GALNTL6: variants seen among roughly 807,000 people sequenced by gnomAD.
The protein encoded by GALNTL6 is polypeptide N-acetylgalactosaminyltransferase-like 6.
Under a neutral mutation model 73.7 loss-of-function variants are expected in GALNTL6, and 46 were observed. The observed-to-expected ratio is 0.62, with a 90% confidence interval of 0.49 to 0.80. GALNTL6 has a LOEUF of 0.80. GALNTL6 is among the 30% of genes least tolerant of loss of function. The probability of loss-of-function intolerance (pLI) is 0.00; values close to 1 mark genes in which losing one functional copy is unlikely to be tolerated. For missense variants in GALNTL6, 604 were observed against 755.0 expected, an observed-to-expected ratio of 0.80 and a Z score of 2.34; for synonymous variants, 259 against 263.7, an observed-to-expected ratio of 0.98 and a Z score of 0.17.
intron 2 of GALNTL6, among the ~76,000 whole-genome samples, chr4:171,873,195 T>G (rs949252620): frequency 3.3e-5 from 5 of 152,202 alleles, no homozygotes; most frequent in African/African-American, 9.7e-5. Context: ...CAAATGATCA[T>G]CTGTTCTTTT....
At chr4:172,370,668 G>A (rs1267221744) in intron 5 of GALNTL6, among the ~76,000 whole-genome samples, 1 of 147,444 alleles carries the variant, frequency 6.8e-6, no homozygotes, top group East Asian at 2.0e-4. Flanking sequence ...GAAAGGCATT[G>A]TCTGACTTCG....
At chr4:171,819,468 A>G (rs538278725) in intron 2 of GALNTL6, among the ~76,000 whole-genome samples, 6 of 152,320 alleles carry the variant, frequency 3.9e-5, no homozygotes, top group Non-Finnish European at 7.4e-5. Context: ...TGCTGAATCA[A>G]TTAGTTTCCT....
chr4:173,027,285 C>T (rs1453867614), intron 12 of GALNTL6, among the ~76,000 whole-genome samples: 1 of 152,050 alleles, frequency 6.6e-6, no homozygotes, highest in Non-Finnish European at 1.5e-5. Flanking sequence ...GCCCAGCCCT[C>T]CCTGAAATAT....
intron 5 of GALNTL6, among the ~76,000 whole-genome samples, chr4:172,788,498 CCGTCTCTA>C (rs922228614): frequency 2.6e-4 from 39 of 151,908 alleles, no homozygotes; most frequent in African/African-American, 8.9e-4. Flanking sequence ...CGGTAAAACC[CCGTCTCTA>C]CTAAAAATAC....
At chr4:172,155,287 C>T (rs1244440585) in intron 2 of GALNTL6, among the ~76,000 whole-genome samples, 1 of 152,098 alleles carries the variant, frequency 6.6e-6, no homozygotes, top group South Asian at 2.1e-4. Flanking sequence ...CGTGAGCCAC[C>T]GCGCCCGGCC....
At chr4:172,259,075 T>G in intron 3 of GALNTL6, among the ~76,000 whole-genome samples, 1 of 151,006 alleles carries the variant, frequency 6.6e-6, no homozygotes, top group East Asian at 1.9e-4. Flanking sequence ...ATGTGGCATA[T>G]GTAAGTCTTT....
rs111979625 is a variant in GALNTL6, at chr4:171,982,399, G to C, written c.138+167681G>C. ...TGCAAGCTCTGCCTCCTGGGTTCAC[G>C]TCATTCTCCTGCTTCAGCCTCCCCA... is the stretch of plus-strand genomic sequence containing the variant. On this transcript the variant is annotated intron_variant, in intron 2 of 12. Transcript: ENST00000506823. 5.1e-3 allele frequency among the ~76,000 whole-genome samples: 767 copies of C among 150,298 alleles called. 6 individuals are homozygous for C. The highest frequency in any genetic ancestry group is 0.018 in the African/African-American group (731 of 39,756).
chr4:172,584,453 G>A (rs1438852561), intron 5 of GALNTL6, among the ~76,000 whole-genome samples: 1 of 152,172 alleles, frequency 6.6e-6, no homozygotes, highest in African/African-American at 2.4e-5. Flanking sequence ...ATAAAGTCAG[G>A]TGACATTGAT....
chr4:173,039,930 C>T lies in GALNTL6; in HGVS notation c.1639-3C>T, dbSNP rs755120049. 5 of 1,610,678 alleles carry T rather than the reference C, an allele frequency of 3.1e-6. No homozygotes were observed. Among genetic ancestry groups the T allele is most frequent in the Non-Finnish European group, 4.2e-6 (5 of 1,178,774 alleles). On this transcript the variant is annotated splice_polypyrimidine_tract_variant and splice_region_variant and intron_variant, in intron 12 of 12. Transcript: ENST00000506823. ...TCTTTTCTTTTCTTCCTCACTCCTC[C>T]AGGACAGAACATTATTCCATCCTGT...
At chr4:172,794,537 C>T (rs922334354) in intron 5 of GALNTL6, among the ~76,000 whole-genome samples, 3 of 152,160 alleles carry the variant, frequency 2.0e-5, no homozygotes, top group Non-Finnish European at 4.4e-5. Context: ...TCTCCATTCC[C>T]TGGAGAAGAG....
chr4:172,883,499 G>A (rs7676418), intron 8 of GALNTL6, among the ~76,000 whole-genome samples: 4,048 of 152,176 alleles, frequency 0.027, 183 homozygotes, highest in African/African-American at 0.09. Flanking sequence ...AGCAAGAGAC[G>A]CAGGGGTGAG....
At position 171,974,119 on chromosome 4, in the gene GALNTL6, C is replaced by T. The variant is rs574259330; in HGVS notation, c.138+159401C>T. The stretch of plus-strand genomic sequence containing the variant: ...GGCCCAAGCGATTCTTGTGCCTCAG[C>T]TTCTCAAGTAGCTGGGACTACAGGC... On this transcript the variant is annotated intron_variant, in intron 2 of 12. Transcript: ENST00000506823. Among the ~76,000 whole-genome samples the T allele has an allele frequency of 1.5e-3, 233 of 152,234 alleles. 2 individuals carry two copies. The highest frequency in any genetic ancestry group is 5.4e-3 in the African/African-American group (225 of 41,548).
intron 2 of GALNTL6, among the ~76,000 whole-genome samples, chr4:171,900,078 A>C (rs921025250): frequency 6.6e-6 from 1 of 152,194 alleles, no homozygotes; most frequent in Non-Finnish European, 1.5e-5. Context: ...TAGTGTCACC[A>C]AAACAATAAT....
At chr4:172,528,965 G>GATATATATATATATATATATATATA in intron 5 of GALNTL6, among the ~76,000 whole-genome samples, 1 of 34,488 alleles carries the variant, frequency 2.9e-5, no homozygotes, top group African/African-American at 7.6e-5. Flanking sequence ...ATATATATAT[G>GATATATATATATATATATATATATA]TGTGTGTATA....
Position 172,391,397 on chromosome 4 carries a change from G to A in GALNTL6, c.553+42708G>A, listed in dbSNP as rs114632838. On this transcript the variant is annotated intron_variant, in intron 5 of 12. Coordinates refer to ENST00000506823, the MANE Select transcript of GALNTL6 (RefSeq NM_001034845.3). Reference sequence around the variant, plus strand: ...CTCTGTTGCCCAGAGCTGAAAGTCCGTGTCATGATCATAACTCACTGCAGC... The same window carrying A: ...CTCTGTTGCCCAGAGCTGAAAGTCCATGTCATGATCATAACTCACTGCAGC... Among the ~76,000 whole-genome samples the A allele has an allele frequency of 4.9e-3, 752 of 152,180 alleles. 8 individuals are homozygous for A. Among genetic ancestry groups the A allele is most frequent in the African/African-American group, 0.017 (724 of 41,520 alleles).
At chr4:172,714,895 G>A (rs1023453771) in intron 5 of GALNTL6, among the ~76,000 whole-genome samples, 1 of 151,994 alleles carries the variant, frequency 6.6e-6, no homozygotes, top group Admixed American at 6.6e-5. Flanking sequence ...ATAAAATTTT[G>A]TGCATTTAAA....
rs543446542 is a variant in GALNTL6 at position 172,297,057 on chromosome 4, G to A, written c.248-14557G>A. On this transcript the variant is annotated intron_variant, in intron 3 of 12. Transcript: ENST00000506823. ...CTGACTTTTTAATGATCGCCATTCT[G>A]ACTGGTGTGAGATGGTATCTCGTGG... Among the ~76,000 whole-genome samples the A allele has an allele frequency of 2.0e-3, 301 of 152,242 alleles. 1 individual carries two copies. Among genetic ancestry groups the A allele is most frequent in the African/African-American group, 6.8e-3 (283 of 41,548 alleles).
At chr4:172,422,668 C>A (rs1205894128) in intron 5 of GALNTL6, among the ~76,000 whole-genome samples, 2 of 151,898 alleles carry the variant, frequency 1.3e-5, no homozygotes, top group African/African-American at 4.8e-5. Context: ...AAAATCCAGA[C>A]TCATATATTC....
chr4:172,699,253 G>A (rs967387202), intron 5 of GALNTL6, among the ~76,000 whole-genome samples: 1 of 152,036 alleles, frequency 6.6e-6, no homozygotes, highest in African/African-American at 2.4e-5. Flanking sequence ...TGAATTCAGG[G>A]GGACACAAAC....
Sources: gnomAD v4.1 joint callset for allele counts (sites outside exome capture counted in the v4.1 genomes callset) on GRCh38, gnomAD v4.1.1 for gene constraint, MANE v1.5 for transcripts, NCBI Gene and HGNC (gene_info 2026-07-23, HGNC 2026-07-21) for gene names.